The following LRP2 variants were observed in gnomAD, a reference collection of about 807,000 sequenced individuals.
LRP2 encodes LDL receptor related protein 2.
A neutral mutation model predicts 531.0 loss-of-function variants in LRP2; 172 were observed. The ratio of observed to expected loss-of-function variants is 0.32; its 90% CI spans 0.29 to 0.37. LRP2 has a LOEUF of 0.37. LRP2 is among the 10% of genes least tolerant of loss of function. The pLI, the probability that LRP2 is intolerant of heterozygous loss-of-function variation, is 1.00. For synonymous variants in LRP2, 1,992 were observed against 2,027.6 expected, an observed-to-expected ratio of 0.98 and a Z score of 0.47; for missense variants, 5,167 against 5,868.3, an observed-to-expected ratio of 0.88 and a Z score of 3.90.
At chr2:169,273,586 G>T (rs1423152328) in intron 14 of LRP2, among the ~76,000 whole-genome samples, 1 of 152,102 alleles carries the variant, frequency 6.6e-6, no homozygotes, top group Admixed American at 6.6e-5. Flanking sequence ...AGCTTGACTA[G>T]GATTCAAAGC....
Position 169,225,424 on chromosome 2 carries a change from G to T in LRP2, c.5424C>A (p.Gly1808=). 6.2e-7 allele frequency: 1 copy of T among 1,614,084 alleles called. No homozygotes were observed. The highest frequency in any genetic ancestry group is 8.5e-7 in the Non-Finnish European group (1 of 1,179,966). Residue 1808 remains glycine (G), a synonymous_variant, in exon 33 of 79, where the codon GGC becomes GGA. Transcript: ENST00000649046. ...PGEIHRVKTD[G]TNRTVFASIS... ...TAGAAGCAAATACTGTCCTGTTGGT[G>T]CCATCTGTCTTCACTCTGTGAATTT...
intron 74 of LRP2, 83 bp from the exon 75 acceptor site, chr2:169,138,789 C>T (rs1685610979): frequency 6.8e-7 from 1 of 1,481,198 alleles, no homozygotes; most frequent in Non-Finnish European, 9.4e-7. Flanking sequence ...CACAATAGTA[C>T]CCTCTCCTCC....
intron 48 of LRP2, among the ~76,000 whole-genome samples, chr2:169,191,271 G>C (rs1413976246): frequency 1.3e-5 from 2 of 152,178 alleles, no homozygotes; most frequent in Non-Finnish European, 2.9e-5. Flanking sequence ...CTGAGCCTAA[G>C]AGCCAAGCTC....
chr2:169,135,253 C>T (rs1389729704), intron 76 of LRP2, among the ~76,000 whole-genome samples: 2 of 152,098 alleles, frequency 1.3e-5, no homozygotes, highest in African/African-American at 4.8e-5. Context: ...ATTTCTCAGG[C>T]CCCCTCCCTT....
rs369240219 is a variant in LRP2, at chr2:169,207,070, C to T, written c.6650G>A (p.Arg2217His). ...TCGATTGGTACAGTCAAGGAAAGAA[C>T]GCTCAATCTTTGGTCTCTGCCCATA... ...ADYGQRPKIE[R>H]SFLDCTNRTV... is the part of the protein sequence containing the mutation. Residue 2217 changes from arginine to histidine, a missense_variant, in exon 39 of 79, where the codon CGT becomes CAT. Physicochemically the swap from Arg to His is conservative, Grantham distance 29. Around this residue, in one of 6 missense-constraint regions of LRP2, gnomAD observed 2,811 missense variants for 3,058.0 expected, o/e 0.92. Transcript: ENST00000649046. 1.2e-4 allele frequency: 200 copies of T among 1,613,684 alleles called. No individual in the cohort carries two copies. Among genetic ancestry groups the T allele is most frequent in the Non-Finnish European group, 1.5e-4 (180 of 1,179,748 alleles).
At chr2:169,145,661 A>G (rs1239287234) in intron 70 of LRP2, 86 bp downstream of exon 70, 12 of 1,296,998 alleles carry the variant, frequency 9.3e-6, no homozygotes, top group Non-Finnish European at 1.3e-5. Flanking sequence ...GTTGTTATCT[A>G]CTGCCATCTT....
At chr2:169,327,714 T>G in intron 1 of LRP2, among the ~76,000 whole-genome samples, 1 of 103,320 alleles carries the variant, frequency 9.7e-6, no homozygotes, top group Admixed American at 9.2e-5. Context: ...GGTGGGGGGA[T>G]CAGCACCCCG....
chr2:169,353,210 T>C (rs1216281777), intron 1 of LRP2, among the ~76,000 whole-genome samples: 1 of 152,180 alleles, frequency 6.6e-6, no homozygotes, highest in Non-Finnish European at 1.5e-5. Context: ...TAACAATCTG[T>C]AAGTTATTGT....
At chr2:169,245,931 C>T (rs1257937654) in intron 21 of LRP2, among the ~76,000 whole-genome samples, 1 of 152,090 alleles carries the variant, frequency 6.6e-6, no homozygotes, top group Non-Finnish European at 1.5e-5. Flanking sequence ...AAGTACACGG[C>T]ACAGTCTTGG....
At chr2:169,216,455 T>A in intron 34 of LRP2, 25 bp from the exon 35 acceptor site, 3 of 1,611,960 alleles carry the variant, frequency 1.9e-6, no homozygotes, top group Non-Finnish European at 2.5e-6. Flanking sequence ...AACACCAGCA[T>A]GTAACAAAAC....
At chr2:169,220,432 C>T (rs756072939) in intron 34 of LRP2, 22 bp downstream of exon 34, 10 of 1,531,914 alleles carry the variant, frequency 6.5e-6, no homozygotes, top group East Asian at 4.5e-5. Context: ...ATGGAAGACA[C>T]GTGCCATTTA....
At chr2:169,320,712 C>G (rs1684887220) in intron 2 of LRP2, 65 bp downstream of exon 2, 1 of 1,328,794 alleles carries the variant, frequency 7.5e-7, no homozygotes, top group Admixed American at 1.7e-5. Context: ...TTTGTTACAG[C>G]TGAAATCACC....
chr2:169,284,358 G>A (rs1266335143), intron 9 of LRP2, among the ~76,000 whole-genome samples: 6 of 127,104 alleles, frequency 4.7e-5, no homozygotes, highest in Non-Finnish European at 7.8e-5. Flanking sequence ...TCCGCCTCCC[G>A]GGTTCAAGTG....
chr2:169,345,042 T>A (rs2105565600), intron 1 of LRP2, among the ~76,000 whole-genome samples: 1 of 152,326 alleles, frequency 6.6e-6, no homozygotes, highest in African/African-American at 2.4e-5. Flanking sequence ...TTTACAAAAT[T>A]GATGGAAATT....
In LRP2 at chr2:169,213,748, A is replaced by G. The variant is rs1383741350; in HGVS notation, c.5949T>C (p.Ile1983=). 1.4e-5 allele frequency: 22 copies of G among 1,613,594 alleles called. No homozygotes were observed. The highest frequency in any genetic ancestry group is 1.7e-5 in the Non-Finnish European group (20 of 1,179,700). Residue 1983 remains isoleucine, a synonymous_variant, in exon 36 of 79, where the codon ATT becomes ATC. Transcript: ENST00000649046. The stretch of plus-strand genomic sequence containing the variant: ...CCCCAGTGGCCTTATCAACTCTTTC[A>G]ATGACCTCATACTGTTCATCAGTAT... ...LYYTDEQYEV[I]ERVDKATGAN... is the part of the protein sequence containing the mutation.
At chr2:169,290,146 G>A (rs939967381) in intron 8 of LRP2, among the ~76,000 whole-genome samples, 6 of 151,498 alleles carry the variant, frequency 4.0e-5, no homozygotes, top group African/African-American at 1.5e-4. Context: ...CCTAGTTCCA[G>A]TCAGTTTCCT....
At position 169,289,156 on chromosome 2, in the gene LRP2, AAAAG is replaced by A; in HGVS notation, c.923-15_923-12del. 6.2e-7 allele frequency: 1 copy of A among 1,613,968 alleles called. No homozygotes were observed. Among genetic ancestry groups the A allele is most frequent in the Non-Finnish European group, 8.5e-7 (1 of 1,179,894 alleles). On this transcript the variant is annotated splice_polypyrimidine_tract_variant and intron_variant, in intron 8 of 78. Transcript: ENST00000649046. ...AGCACAGAGTCATACCTAAACGAAG[AAAAG>A]AACTTTGTTAAATGAATGGTGACCT...
At chr2:169,174,635 A>G (rs919604268) in intron 55 of LRP2, among the ~76,000 whole-genome samples, 15 of 152,064 alleles carry the variant, frequency 9.9e-5, no homozygotes, top group African/African-American at 3.4e-4. Flanking sequence ...CAGCCTCCCA[A>G]GTAGCTGGGA....
At chr2:169,291,039 T>G in intron 7 of LRP2, 42 bp from the exon 8 acceptor site, 2 of 1,574,814 alleles carry the variant, frequency 1.3e-6, no homozygotes, top group Non-Finnish European at 1.7e-6. Flanking sequence ...ATAGGGGAGG[T>G]ACAGCCAGCT....
Sources: gnomAD v4.1 joint callset for allele counts (sites outside exome capture counted in the v4.1 genomes callset) on GRCh38, gnomAD v4.1.1 for gene constraint, gnomAD v4.1.1 regional missense constraint, MANE v1.5 for transcripts, NCBI Gene and HGNC (gene_info 2026-07-23, HGNC 2026-07-21) for gene names.